ADAM22: variants seen among roughly 807,000 people sequenced by gnomAD.
ADAM22 encodes the protein disintegrin and metalloproteinase domain-containing protein 22.
ADAM22 carries 65 observed loss-of-function variants against 144.6 expected under a neutral mutation model. The ratio of observed to expected loss-of-function variants is 0.45; its 90% confidence interval spans 0.37 to 0.55. ADAM22 has a LOEUF of 0.55. ADAM22 is among the 20% of genes least tolerant of loss of function. The pLI, the probability that ADAM22 is intolerant of heterozygous loss-of-function variation, is 0.00. For synonymous variants in ADAM22, 391 were observed against 412.6 expected (o/e 0.95, Z 0.63); for missense variants, 974 against 1,184.9 (o/e 0.82, Z 2.61).
intron 3 of ADAM22, among the ~76,000 whole-genome samples, chr7:88,045,460 T>C (rs1804388122): frequency 1.3e-5 from 2 of 152,332 alleles, no homozygotes; most frequent in Middle Eastern, 3.4e-3. Context: ...ATGGTATGCA[T>C]GATGTTTTGA....
chr7:87,961,655 G>A (rs1848021282), intron 2 of ADAM22, among the ~76,000 whole-genome samples: 1 of 152,160 alleles, frequency 6.6e-6, no homozygotes, highest in South Asian at 2.1e-4. Flanking sequence ...TTAGCCTGCC[G>A]TAAAGCTTAC....
intron 6 of ADAM22, among the ~76,000 whole-genome samples, chr7:88,116,513 T>G (rs1827802526): frequency 6.6e-6 from 1 of 152,232 alleles, no homozygotes; most frequent in Non-Finnish European, 1.5e-5. Context: ...TTTCCATTAC[T>G]GTAGGCTTTG....
intron 3 of ADAM22, among the ~76,000 whole-genome samples, chr7:88,052,728 T>A (rs1806849102): frequency 6.6e-6 from 1 of 152,214 alleles, no homozygotes; most frequent in Admixed American, 6.5e-5. Context: ...ATTTTCTTTG[T>A]GGTTGACTGA....
intron 3 of ADAM22, among the ~76,000 whole-genome samples, chr7:88,043,382 G>T (rs544542693): frequency 5.3e-5 from 8 of 151,972 alleles, no homozygotes; most frequent in African/African-American, 1.9e-4. Flanking sequence ...CTACTCGGGA[G>T]GCTGAGGCAG....
intron 3 of ADAM22, among the ~76,000 whole-genome samples, chr7:88,053,591 G>GGAAGGAAA (rs1382547887): frequency 8.8e-5 from 10 of 113,400 alleles, no homozygotes; most frequent in African/African-American, 3.2e-4. Context: ...AAGGAAGGAA[G>GGAAGGAAA]GAAAGAAAGA....
At chr7:88,122,950 A>G (rs984952324) in intron 7 of ADAM22, among the ~76,000 whole-genome samples, 2 of 152,194 alleles carry the variant, frequency 1.3e-5, no homozygotes, top group African/African-American at 4.8e-5. Flanking sequence ...TCAGTCTGCT[A>G]TTCTAGTTTG....
intron 4 of ADAM22, among the ~76,000 whole-genome samples, chr7:88,079,744 CAAA>C (rs1243541644): frequency 1.3e-5 from 2 of 152,060 alleles, no homozygotes; most frequent in Non-Finnish European, 2.9e-5. Flanking sequence ...TCAAAAGAGA[CAAA>C]GAAGGCTATT....
chr7:88,201,379 G>A lies in ADAM22; in HGVS notation c.*4888G>A, dbSNP rs1851190835. On this transcript the variant is annotated 3_prime_UTR_variant, in exon 32 of 32. Transcript: ENST00000413139. The stretch of plus-strand genomic sequence containing the variant: ...TTTCAGGATGGGGAGGAGATAAGAA[G>A]CAGAGAACTTTGGGAGACCATGGGG... 6.6e-6 allele frequency: 1 copy of A among 152,278 alleles called. No homozygotes were observed. Among genetic ancestry groups the A allele is most frequent in the Non-Finnish European group, 1.5e-5 (1 of 68,086 alleles). 9.4% of individuals were successfully genotyped at this position (152,278 alleles called of 1,614,324 possible).
chr7:87,961,629 G>A (rs998089165), intron 2 of ADAM22, among the ~76,000 whole-genome samples: 1 of 152,140 alleles, frequency 6.6e-6, no homozygotes, highest in Non-Finnish European at 1.5e-5. Context: ...GGTGCGGTTG[G>A]CAGATATTTT....
intron 30 of ADAM22, among the ~76,000 whole-genome samples, chr7:88,192,057 G>A (rs1263410864): frequency 1.3e-5 from 2 of 152,188 alleles, no homozygotes; most frequent in African/African-American, 2.4e-5. Flanking sequence ...ATGCAGTGTA[G>A]GCAGTAGATC....
chr7:88,160,867 A>G (rs1252136072), intron 22 of ADAM22, among the ~76,000 whole-genome samples: 3 of 152,122 alleles, frequency 2.0e-5, no homozygotes, highest in Non-Finnish European at 4.4e-5. Context: ...CCACAAGGAC[A>G]AAAACCAAAC....
At chr7:88,156,756 G>A (rs956857480) in intron 22 of ADAM22, among the ~76,000 whole-genome samples, 4 of 152,094 alleles carry the variant, frequency 2.6e-5, no homozygotes, top group African/African-American at 9.7e-5. Context: ...GAGAATAAAC[G>A]AGGAGGTTTC....
intron 26 of ADAM22, among the ~76,000 whole-genome samples, chr7:88,174,256 A>T (rs571452536): frequency 6.6e-6 from 1 of 152,308 alleles, no homozygotes; most frequent in African/African-American, 2.4e-5. Flanking sequence ...GATGTGAAGC[A>T]GACCCACGTT....
At chr7:88,058,374 A>G (rs1412290197) in intron 3 of ADAM22, among the ~76,000 whole-genome samples, 1 of 152,250 alleles carries the variant, frequency 6.6e-6, no homozygotes, top group African/African-American at 2.4e-5. Context: ...ATCTATAAAC[A>G]TATGGAAGAA....
intron 4 of ADAM22, 49 bp from the exon 5 acceptor site, chr7:88,108,127 T>C (rs1191307375): frequency 6.6e-7 from 1 of 1,507,364 alleles, no homozygotes; most frequent in Non-Finnish European, 9.2e-7. Flanking sequence ...ATGAAGCAGC[T>C]GATTCTCCTT....
intron 2 of ADAM22, among the ~76,000 whole-genome samples, chr7:87,950,182 C>A (rs1209246176): frequency 1.3e-5 from 2 of 151,852 alleles, no homozygotes; most frequent in South Asian, 4.1e-4. Context: ...TACATGTGCA[C>A]AATGTGCAGG....
intron 4 of ADAM22, among the ~76,000 whole-genome samples, chr7:88,086,905 AACAGTAATAACTATTTATT>A (rs1818585058): frequency 6.6e-6 from 1 of 152,230 alleles, no homozygotes. Context: ...TTATAATGCT[AACAGTAATAACTATTTATT>A]ACAGTAATAA....
In ADAM22 at chr7:88,179,118, A is replaced by T; in HGVS notation, c.2484A>T (p.Leu828Phe). ...THYSISQNISLFCSRSNGLSH... is the reference protein window; with the variant it reads ...THYSISQNISFFCSRSNGLSH... ...ATTCCATTAGTCAGAACATTTCATT[A>T]TTTTGCAGCAGGTTTGATTACTTCT... The change falls in exon 27 of 32, where the codon TTA becomes TTT. Residue 828 changes from leucine (L) to phenylalanine (F), a missense_variant. Leu to Phe is a conservative substitution (Grantham distance 22, BLOSUM62 0). This residue lies in a region of ADAM22 where 734 missense variants were observed against 950.6 expected (regional missense o/e 0.77). Coordinates refer to ENST00000413139, the MANE Select transcript of ADAM22 (RefSeq NM_001324418.2). The T allele has an allele frequency of 8.2e-7, 1 of 1,219,560 alleles. No homozygotes were observed. The highest frequency in any genetic ancestry group is 1.2e-6 in the Non-Finnish European group (1 of 832,308). 75.5% of individuals were successfully genotyped at this position (1,219,560 alleles called of 1,614,324 possible). A position where few individuals can be genotyped will look rare whatever the true frequency, so the allele number is the denominator to read the frequency against.
intron 3 of ADAM22, among the ~76,000 whole-genome samples, chr7:88,074,342 T>C (rs1473131164): frequency 1.3e-5 from 2 of 152,250 alleles, no homozygotes; most frequent in Non-Finnish European, 2.9e-5. Context: ...ATATACAATC[T>C]TCTTTTTATA....
Sources: gnomAD v4.1 joint callset for allele counts (sites outside exome capture counted in the v4.1 genomes callset) on GRCh38, gnomAD v4.1.1 for gene constraint, gnomAD v4.1.1 regional missense constraint, MANE v1.5 for transcripts, NCBI Gene and HGNC (gene_info 2026-07-23, HGNC 2026-07-21) for gene names.